The following CCDC18 variants were observed in gnomAD, a reference collection of about 807,000 sequenced individuals.
The protein encoded by CCDC18 is coiled-coil domain containing 18, also known as coiled-coil domain-containing protein 18.
A neutral mutation model predicts 196.0 loss-of-function variants in CCDC18; 157 were observed. The observed-to-expected ratio is 0.80, with a 90% CI of 0.70 to 0.91. CCDC18 has a LOEUF of 0.91. Ranked by LOEUF, CCDC18 falls within the 40% of genes least tolerant of loss-of-function variation. The pLI, the probability that CCDC18 is intolerant of heterozygous loss-of-function variation, is 0.00. For missense variants in CCDC18, 1,465 were observed against 1,611.6 expected (o/e 0.91, Z 1.56); for synonymous variants, 482 against 529.2 (o/e 0.91, Z 1.22).
chr1:93,217,967 C>A, intron 14 of CCDC18, 98 bp downstream of exon 14: 1 of 1,014,602 alleles, frequency 9.9e-7, no homozygotes, highest in Non-Finnish European at 1.5e-6. Context: ...CAAAGATACA[C>A]AAAAGTTAGT....
At chr1:93,185,747 C>CAG (rs1245896845) in intron 3 of CCDC18, among the ~76,000 whole-genome samples, 1 of 151,914 alleles carries the variant, frequency 6.6e-6, no homozygotes, top group Non-Finnish European at 1.5e-5. Context: ...GAAGAGACTT[C>CAG]TGTGTATACT....
At chr1:93,254,660 G>C (rs367796285) in intron 24 of CCDC18, 46 bp downstream of exon 24, 2 of 1,531,360 alleles carry the variant, frequency 1.3e-6, no homozygotes. Flanking sequence ...AGTCTCTGTT[G>C]AGTGAAATGA....
At chr1:93,255,459 G>A (rs999850082) in intron 24 of CCDC18, among the ~76,000 whole-genome samples, 4 of 152,114 alleles carry the variant, frequency 2.6e-5, no homozygotes, top group Non-Finnish European at 5.9e-5. Context: ...GGTCAGGCAC[G>A]ATGACTCACA....
intron 20 of CCDC18, 73 bp downstream of exon 20, chr1:93,239,546 G>C (rs1174102807): frequency 2.7e-6 from 4 of 1,501,814 alleles, no homozygotes; most frequent in East Asian, 2.3e-5. Context: ...GTGAGAATTT[G>C]AGATGGTGGG....
rs1570448282 is a variant in CCDC18, at chr1:93,226,323, TC to T, written c.2176-8del. On this transcript the variant is annotated splice_polypyrimidine_tract_variant and intron_variant, in intron 16 of 28. Transcript: ENST00000690025. ...GTTTTTTTTTTTTTTTTGCTTTTTT[TC>T]CTGCTTAGGTTAGGCAACTAGATTC... 22 of 1,208,184 alleles carry T rather than the reference TC, an allele frequency of 1.8e-5. No homozygotes were observed. Among genetic ancestry groups the T allele is most frequent in the South Asian group, 7.9e-5 (5 of 62,900 alleles). 74.8% of individuals were successfully genotyped at this position (1,208,184 alleles called of 1,614,324 possible). A position where few individuals can be genotyped will look rare whatever the true frequency, so the allele number is the denominator to read the frequency against.
At chr1:93,192,823 T>G (rs906630772) in intron 5 of CCDC18, among the ~76,000 whole-genome samples, 3 of 152,214 alleles carry the variant, frequency 2.0e-5, no homozygotes, top group Admixed American at 2.0e-4. Flanking sequence ...TCTGAGTGAT[T>G]CCGAAAGTAT....
At chr1:93,258,660 A>G (rs1414774658) in intron 25 of CCDC18, 88 bp from the exon 26 acceptor site, 3 of 1,053,306 alleles carry the variant, frequency 2.8e-6, no homozygotes, top group Non-Finnish European at 3.9e-6. Context: ...AAAAAATTAA[A>G]CTACTTCCAA....
At chr1:93,268,970 T>G (rs1214329266) in intron 27 of CCDC18, among the ~76,000 whole-genome samples, 2 of 151,952 alleles carry the variant, frequency 1.3e-5, no homozygotes, top group Non-Finnish European at 2.9e-5. Context: ...TAAAGACACA[T>G]GCACATGTAT....
intron 26 of CCDC18, among the ~76,000 whole-genome samples, chr1:93,263,651 G>C (rs1034217362): frequency 6.6e-6 from 1 of 152,128 alleles, no homozygotes; most frequent in African/African-American, 2.4e-5. Flanking sequence ...AAAACCATTT[G>C]ACAAGTCTGT....
chr1:93,259,867 T>TA (rs1190097827), intron 26 of CCDC18, among the ~76,000 whole-genome samples: 4 of 152,228 alleles, frequency 2.6e-5, no homozygotes, highest in African/African-American at 9.6e-5. Context: ...TACACTTTCA[T>TA]TATATGGCCT....
At chr1:93,221,963 T>G in intron 16 of CCDC18, 27 bp downstream of exon 16, 1 of 1,449,234 alleles carries the variant, frequency 6.9e-7, no homozygotes, top group South Asian at 1.3e-5. Context: ...TTTATTTTTC[T>G]TTCTTTCCTT....
intron 1 of CCDC18, among the ~76,000 whole-genome samples, chr1:93,182,572 TATTA>T (rs1371963462): frequency 6.6e-6 from 1 of 152,260 alleles, no homozygotes; most frequent in Non-Finnish European, 1.5e-5. Flanking sequence ...TTTTTTATTG[TATTA>T]ATTACAATAA....
Position 93,201,907 on chromosome 1 carries a change from G to A in CCDC18, c.714G>A (p.Arg238=). 6.3e-7 allele frequency: 1 copy of A among 1,587,264 alleles called. No individual in the cohort carries two copies. The highest frequency in any genetic ancestry group is 1.2e-5 in the South Asian group (1 of 85,692). ...TKQGKRAERQ[R]NEALYNAEEL... is the part of the protein sequence containing the mutation. ...TAAATTTTAGAGCTGAACGACAAAG[G>A]AATGAAGCACTATATAATGCCGAAG... is the stretch of plus-strand genomic sequence containing the variant. Residue 238 remains arginine, a synonymous_variant, in exon 7 of 29, where the codon AGG becomes AGA. Transcript: ENST00000690025.
chr1:93,190,749 G>T, intron 4 of CCDC18: 1 of 584,122 alleles, frequency 1.7e-6, no homozygotes, highest in Non-Finnish European at 3.1e-6. Context: ...CTTAGAACTG[G>T]GTCACTTGGC....
At chr1:93,210,685 TG>T (rs1655470922) in intron 9 of CCDC18, 116 bp from the exon 10 acceptor site, 3 of 652,334 alleles carry the variant, frequency 4.6e-6, no homozygotes, top group Non-Finnish European at 7.9e-6. Context: ...CTCCTATTGA[TG>T]GACATTAAGT....
intron 24 of CCDC18, among the ~76,000 whole-genome samples, chr1:93,255,693 G>A (rs546786924): frequency 9.9e-5 from 15 of 151,674 alleles, no homozygotes; most frequent in South Asian, 4.2e-4. Context: ...TTGTGATCAC[G>A]CCACTGCCCT....
intron 26 of CCDC18, among the ~76,000 whole-genome samples, chr1:93,261,917 T>C (rs1468452485): frequency 6.6e-6 from 1 of 152,202 alleles, no homozygotes; most frequent in Non-Finnish European, 1.5e-5. Flanking sequence ...AAAAGAGCTT[T>C]AATTAACTCA....
At chr1:93,224,288 G>A (rs1657948437) in intron 16 of CCDC18, among the ~76,000 whole-genome samples, 1 of 152,110 alleles carries the variant, frequency 6.6e-6, no homozygotes, top group Admixed American at 6.6e-5. Context: ...AGGTACGGAT[G>A]TCATAATACT....
chr1:93,180,948 C>CAGCGCATCCAAGGTGCCGGGA, intron 1 of CCDC18, 96 bp downstream of exon 1: 1 of 1,211,772 alleles, frequency 8.3e-7, no homozygotes, highest in Non-Finnish European at 1.1e-6. Context: ...CTTTCCCTCC[C>CAGCGCATCCAAGGTGCCGGGA]GGCACCTTGG....
Sources: allele counts gnomAD v4.1 joint callset (sites outside exome capture counted in the v4.1 genomes callset), GRCh38; gene constraint gnomAD v4.1.1; transcripts MANE v1.5; gene names NCBI Gene and HGNC (gene_info 2026-07-23, HGNC 2026-07-21).